The following PCDHGA2 variants were observed in gnomAD, a reference collection of about 807,000 sequenced individuals.
PCDHGA2 encodes the protein protocadherin gamma-A2.
PCDHGA2 carries 40 observed loss-of-function variants against 59.2 expected under a neutral mutation model. The observed-to-expected ratio is 0.68, with a 90% CI of 0.52 to 0.88. The LOEUF (loss-of-function observed/expected upper bound fraction) is 0.88, where lower values mean the gene tolerates loss of function less well. Ranked by LOEUF, PCDHGA2 falls within the 40% of genes least tolerant of loss-of-function variation. PCDHGA2 has a pLI of 0.00. For synonymous variants in PCDHGA2, 560 were observed against 526.0 expected (o/e 1.06, Z -0.89); for missense variants, 1,226 against 1,204.0 (o/e 1.02, Z -0.27).
chr5:141,365,654 G>C (rs952946348), intron 1 of PCDHGA2: 3 of 1,613,496 alleles, frequency 1.9e-6, no homozygotes, highest in Non-Finnish European at 1.7e-6. Flanking sequence ...CCCCTTGAAA[G>C]TAGCAGACGT....
At chr5:141,421,873 T>G (rs1219669838) in intron 1 of PCDHGA2, 3 of 1,613,592 alleles carry the variant, frequency 1.9e-6, no homozygotes, top group Non-Finnish European at 2.5e-6. Context: ...CCTCACAGCT[T>G]TAGATGGAGG....
intron 1 of PCDHGA2, among the ~76,000 whole-genome samples, chr5:141,471,913 G>A (rs1307168228): frequency 6.6e-6 from 1 of 152,164 alleles, no homozygotes. Context: ...CAAGCATGAG[G>A]GAAATTTTGG....
intron 1 of PCDHGA2, chr5:141,390,432 C>T: frequency 2.0e-6 from 2 of 985,350 alleles, no homozygotes; most frequent in South Asian, 3.4e-5. Context: ...GCTGTCATAT[C>T]ATTCTACAAA....
At chr5:141,462,387 A>G (rs781355919) in intron 1 of PCDHGA2, among the ~76,000 whole-genome samples, 13 of 152,178 alleles carry the variant, frequency 8.5e-5, no homozygotes, top group Non-Finnish European at 1.3e-4. Context: ...AAATTCGTTA[A>G]CATTTCTTTT....
chr5:141,347,433 G>A (rs1757966434), intron 1 of PCDHGA2, among the ~76,000 whole-genome samples: 1 of 152,004 alleles, frequency 6.6e-6, no homozygotes, highest in African/African-American at 2.4e-5. Context: ...GCGATTAGAG[G>A]CATGAGCCAC....
At chr5:141,433,326 A>G in intron 1 of PCDHGA2, 1 of 726,596 alleles carries the variant, frequency 1.4e-6, no homozygotes. Context: ...CCGGTGTAAC[A>G]GGGACTACAG....
intron 2 of PCDHGA2, among the ~76,000 whole-genome samples, chr5:141,496,582 G>A (rs991035985): frequency 1.9e-4 from 29 of 152,100 alleles, no homozygotes; most frequent in Non-Finnish European, 3.5e-4. Flanking sequence ...TTTTAGGAAC[G>A]CAAAGCGCTT....
chr5:141,439,042 A>C (rs2098084096), intron 1 of PCDHGA2, among the ~76,000 whole-genome samples: 1 of 151,642 alleles, frequency 6.6e-6, no homozygotes, highest in Non-Finnish European at 1.5e-5. Context: ...TCAGTTCATA[A>C]GATTTCCATA....
chr5:141,415,419 C>A, intron 1 of PCDHGA2: 1 of 1,614,196 alleles, frequency 6.2e-7, no homozygotes, highest in East Asian at 2.2e-5. Context: ...TGGGCGTGGA[C>A]GGGGTTCGGG....
intron 1 of PCDHGA2, chr5:141,404,421 C>T (rs199749783): frequency 1.2e-6 from 2 of 1,613,574 alleles, no homozygotes; most frequent in Non-Finnish European, 1.7e-6. Flanking sequence ...GTTATTTACT[C>T]CTTGGCAGAG....
intron 3 of PCDHGA2, among the ~76,000 whole-genome samples, chr5:141,509,015 C>T (rs1370464396): frequency 6.6e-6 from 1 of 152,098 alleles, no homozygotes; most frequent in East Asian, 1.9e-4. Flanking sequence ...AAGTGGGCAG[C>T]TGCTCCCTCC....
At chr5:141,408,691 C>T (rs1013098114) in intron 1 of PCDHGA2, 1 of 1,613,854 alleles carries the variant, frequency 6.2e-7, no homozygotes, top group Non-Finnish European at 8.5e-7. Flanking sequence ...CTGATATAAA[C>T]ATAAACTCAA....
rs1299607088 is a variant in PCDHGA2 at position 141,472,933 on chromosome 5, C to T, written c.2425-21874C>T. ...CCCAAGAGGAGGAGGTTGTGGTGAG[C>T]CAAGATTATGCCATTGCACTCCAGC... On this transcript the variant is annotated intron_variant, in intron 1 of 3. Coordinates refer to ENST00000394576, the MANE Select transcript of PCDHGA2 (RefSeq NM_018915.4). Among the ~76,000 whole-genome samples, 4 of 143,758 alleles carry T rather than the reference C, an allele frequency of 2.8e-5. No individual in the cohort carries two copies. In the Admixed American group the frequency reaches 2.9e-4, roughly 10 times the overall value. 94.3% of individuals were successfully genotyped at this position (143,758 alleles called of 152,430 possible). A position where few individuals can be genotyped will look rare whatever the true frequency, so the allele number is the denominator to read the frequency against.
chr5:141,387,653 A>C (rs981670504), intron 1 of PCDHGA2: 11 of 639,608 alleles, frequency 1.7e-5, no homozygotes, highest in Non-Finnish European at 2.9e-5. Context: ...CAAAGTGGAG[A>C]GCTTGGCGCT....
At chr5:141,344,231 C>G (rs1350756695) in intron 1 of PCDHGA2, 24 of 1,613,918 alleles carry the variant, frequency 1.5e-5, no homozygotes, top group African/African-American at 2.7e-5. Context: ...GAGTCCGCAT[C>G]GTCTCCAGAG....
chr5:141,473,308 A>G (rs1248143328), intron 1 of PCDHGA2, among the ~76,000 whole-genome samples: 1 of 152,234 alleles, frequency 6.6e-6, no homozygotes, highest in Non-Finnish European at 1.5e-5. Context: ...AGATTGCTAT[A>G]TTAATAAGCA....
intron 1 of PCDHGA2, chr5:141,389,816 G>A (rs1359127304): frequency 6.2e-7 from 1 of 1,613,776 alleles, no homozygotes; most frequent in Admixed American, 1.7e-5. Flanking sequence ...TGGTCGCCGT[G>A]CGTGACGGTG....
intron 1 of PCDHGA2, chr5:141,384,132 C>T (rs1290502346): frequency 6.2e-7 from 1 of 1,611,710 alleles, no homozygotes; most frequent in Non-Finnish European, 8.5e-7. Context: ...AAAACTTGGA[C>T]CGGGAAACAC....
At chr5:141,357,483 G>T (rs368424779) in intron 1 of PCDHGA2, 6 of 1,614,194 alleles carry the variant, frequency 3.7e-6, no homozygotes, top group Admixed American at 1.7e-5. Flanking sequence ...CCCTCACCGC[G>T]GACTCGCGGA....
Sources: allele counts gnomAD v4.1 joint callset (sites outside exome capture counted in the v4.1 genomes callset), GRCh38; gene constraint gnomAD v4.1.1; transcripts MANE v1.5; gene names NCBI Gene and HGNC (gene_info 2026-07-23, HGNC 2026-07-21).